The following FSTL5 variants were observed in gnomAD, a reference collection of about 807,000 sequenced individuals.
FSTL5 encodes the protein follistatin-related protein 5.
A neutral mutation model predicts 89.1 loss-of-function variants in FSTL5; 62 were observed. That is an observed-to-expected ratio of 0.70 (90% CI 0.57 to 0.86). FSTL5 has a LOEUF of 0.86. FSTL5 is among the 40% of genes least tolerant of loss of function. The probability of loss-of-function intolerance (pLI) is 0.00; values close to 1 mark genes in which losing one functional copy is unlikely to be tolerated. For synonymous variants in FSTL5, 383 were observed against 346.2 expected (o/e 1.11, Z -1.18); for missense variants, 1,057 against 1,001.6 (o/e 1.06, Z -0.75).
intron 8 of FSTL5, among the ~76,000 whole-genome samples, chr4:161,571,103 C>G (rs893703721): frequency 4.0e-5 from 6 of 150,374 alleles, no homozygotes; most frequent in African/African-American, 1.5e-4. Context: ...AGCAAGACTC[C>G]GTTTAAAAAA....
chr4:161,947,300 T>C (rs1734764348), intron 3 of FSTL5, among the ~76,000 whole-genome samples: 1 of 144,110 alleles, frequency 6.9e-6, no homozygotes, highest in Non-Finnish European at 1.5e-5. Flanking sequence ...TTGTGTGCTA[T>C]GTAAGATTTC....
At chr4:161,658,495 T>C (rs1736597283) in intron 6 of FSTL5, among the ~76,000 whole-genome samples, 1 of 152,044 alleles carries the variant, frequency 6.6e-6, no homozygotes. Context: ...CGGTCTGTTT[T>C]AGATTAATAT....
intron 3 of FSTL5, among the ~76,000 whole-genome samples, chr4:161,971,554 G>A (rs1735483473): frequency 6.6e-6 from 1 of 152,018 alleles, no homozygotes; most frequent in South Asian, 2.1e-4. Context: ...ATTACTACTA[G>A]GAGTAACCAG....
chr4:161,545,939 A>G (rs1039109974), intron 8 of FSTL5, among the ~76,000 whole-genome samples: 1 of 152,002 alleles, frequency 6.6e-6, no homozygotes, highest in Admixed American at 6.6e-5. Context: ...AGTTTTAAAA[A>G]GCCACAAAAT....
intron 3 of FSTL5, among the ~76,000 whole-genome samples, chr4:162,029,042 AT>A (rs1359230221): frequency 6.6e-6 from 1 of 152,046 alleles, no homozygotes; most frequent in Non-Finnish European, 1.5e-5. Context: ...ACATTAGGCG[AT>A]TTTCAGTGCT....
intron 6 of FSTL5, among the ~76,000 whole-genome samples, chr4:161,753,404 T>G (rs527297453): frequency 2.0e-5 from 3 of 152,320 alleles, no homozygotes; most frequent in African/African-American, 7.2e-5. Flanking sequence ...CATGTATATG[T>G]AATCACTCAC....
At chr4:161,662,261 T>C (rs1579003269) in intron 6 of FSTL5, among the ~76,000 whole-genome samples, 2 of 152,224 alleles carry the variant, frequency 1.3e-5, no homozygotes, top group East Asian at 3.9e-4. Context: ...CAATTTTGTA[T>C]TTACAATACC....
chr4:162,079,064 T>A (rs990014228), intron 2 of FSTL5, among the ~76,000 whole-genome samples: 12 of 151,690 alleles, frequency 7.9e-5, no homozygotes, highest in Non-Finnish European at 1.6e-4. Context: ...AGTTATAAAT[T>A]ATGGAGAACA....
At position 161,538,258 on chromosome 4, in the gene FSTL5, T is replaced by G. The variant is rs903618257; in HGVS notation, c.1220A>C (p.Asp407Ala). ...EVHISNVRYEDTGAYTCIAKN... is the reference protein window; with the variant it reads ...EVHISNVRYEATGAYTCIAKN... Reference sequence around the variant, plus strand: ...TGCGATACAAGTGTATGCTCCAGTATCTTCATAGCGCACATTGCTTATGTG... The same window carrying G: ...TGCGATACAAGTGTATGCTCCAGTAGCTTCATAGCGCACATTGCTTATGTG... The change falls in exon 10 of 16, where the codon GAT becomes GCT. Residue 407 changes from aspartate to alanine, a missense_variant. Coordinates refer to ENST00000306100, the MANE Select transcript of FSTL5 (RefSeq NM_020116.5). 5.8e-5 allele frequency: 93 copies of G among 1,613,974 alleles called. No individual in the cohort carries two copies. The highest frequency in any genetic ancestry group is 5.2e-5 in the Non-Finnish European group (61 of 1,179,972).
At chr4:161,996,789 T>A (rs1458768121) in intron 3 of FSTL5, among the ~76,000 whole-genome samples, 3 of 152,222 alleles carry the variant, frequency 2.0e-5, no homozygotes, top group Non-Finnish European at 4.4e-5. Context: ...TTTTTGCATG[T>A]CTTGAATATT....
intron 15 of FSTL5, among the ~76,000 whole-genome samples, chr4:161,447,867 T>C (rs545685796): frequency 6.6e-5 from 10 of 152,144 alleles, no homozygotes; most frequent in Non-Finnish European, 1.2e-4. Flanking sequence ...CAGGCATATA[T>C]AAAAGTATAC....
At chr4:162,110,486 C>T (rs887443272) in intron 2 of FSTL5, among the ~76,000 whole-genome samples, 20 of 151,638 alleles carry the variant, frequency 1.3e-4, no homozygotes, top group Non-Finnish European at 5.9e-5. Flanking sequence ...TTTCAAAAGT[C>T]TTTCTTATAG....
chr4:161,482,984 GT>G, intron 12 of FSTL5, among the ~76,000 whole-genome samples: 1 of 152,320 alleles, frequency 6.6e-6, no homozygotes, highest in South Asian at 2.1e-4. Flanking sequence ...GTTTCAGGTA[GT>G]CCTGGAGTTA....
intron 3 of FSTL5, among the ~76,000 whole-genome samples, chr4:161,926,658 G>C (rs183289308): frequency 6.6e-6 from 1 of 151,516 alleles, no homozygotes; most frequent in Non-Finnish European, 1.5e-5. Context: ...GCAGAACAGA[G>C]TGTGATGCAA....
At chr4:161,498,566 A>G (rs1027097266) in intron 12 of FSTL5, among the ~76,000 whole-genome samples, 1 of 152,204 alleles carries the variant, frequency 6.6e-6, no homozygotes, top group Admixed American at 6.5e-5. Flanking sequence ...TATTAGTATT[A>G]GTAATTGAAG....
intron 2 of FSTL5, among the ~76,000 whole-genome samples, chr4:162,084,595 A>T (rs1036892510): frequency 6.6e-6 from 1 of 152,140 alleles, no homozygotes; most frequent in Non-Finnish European, 1.5e-5. Flanking sequence ...ATGCAGCCAT[A>T]AAAAAGAATT....
At chr4:161,690,613 T>C (rs1003091057) in intron 6 of FSTL5, among the ~76,000 whole-genome samples, 2 of 152,128 alleles carry the variant, frequency 1.3e-5, no homozygotes, top group African/African-American at 2.4e-5. Flanking sequence ...TTTCTGCAGG[T>C]TGTCTTAATA....
intron 15 of FSTL5, among the ~76,000 whole-genome samples, chr4:161,432,418 A>C (rs976929996): frequency 4.6e-5 from 7 of 152,084 alleles, no homozygotes; most frequent in Non-Finnish European, 2.9e-5. Context: ...ATGATAATGA[A>C]AACACAACAT....
rs977027646 is a variant in FSTL5 at position 161,916,152 on chromosome 4, A to G, written c.409+4252T>C. ...CAGTGCACAGATCGCTGTGACAACC[A>G]TATTTCTCAAGTTGTTATTGCTTGT... is the stretch of plus-strand genomic sequence containing the variant. On this transcript the variant is annotated intron_variant, in intron 4 of 15. Coordinates refer to ENST00000306100, the MANE Select transcript of FSTL5 (RefSeq NM_020116.5). Among the ~76,000 whole-genome samples, 8 of 152,206 alleles carry G rather than the reference A, an allele frequency of 5.3e-5. No homozygotes were observed. In the East Asian group the frequency reaches 7.7e-4, roughly 15 times the overall value.
Sources: allele counts gnomAD v4.1 joint callset (sites outside exome capture counted in the v4.1 genomes callset), GRCh38; gene constraint gnomAD v4.1.1; transcripts MANE v1.5; gene names NCBI Gene and HGNC (gene_info 2026-07-23, HGNC 2026-07-21).